The following SH3BGRL2 variants were observed in gnomAD, a reference collection of about 807,000 sequenced individuals.
The protein encoded by SH3BGRL2 is SH3 domain binding glutamate rich protein like 2.
A neutral mutation model predicts 14.8 loss-of-function variants in SH3BGRL2; 21 were observed. The ratio of observed to expected loss-of-function variants is 1.42; its 90% CI spans 1.01 to 2.05. The LOEUF (loss-of-function observed/expected upper bound fraction) is 2.05. SH3BGRL2 is among the 30% of genes most tolerant of loss of function. SH3BGRL2 has a pLI of 0.00. For missense variants in SH3BGRL2, 147 were observed against 130.8 expected (o/e 1.12, Z -0.61); for synonymous variants, 50 against 47.8 (o/e 1.05, Z -0.19).
At chr6:79,618,001 T>G in the SH3BGRL2 span, among the ~76,000 whole-genome samples, 21 of 152,342 alleles carry the variant, frequency 1.4e-4, no homozygotes, top group South Asian at 2.1e-4. Context: ...GGTATCAACA[T>G]CCATTGATAT....
intron 1 of SH3BGRL2, among the ~76,000 whole-genome samples, chr6:79,666,921 T>A (rs191070772): frequency 6.6e-6 from 1 of 152,340 alleles, no homozygotes; most frequent in Non-Finnish European, 1.5e-5. Flanking sequence ...ACTATATTTT[T>A]GACAGAGGCC....
At chr6:79,609,573 A>G in the SH3BGRL2 span, among the ~76,000 whole-genome samples, 1 of 152,182 alleles carries the variant, frequency 6.6e-6, no homozygotes, top group East Asian at 1.9e-4. Flanking sequence ...GTAAGTCAAC[A>G]GAACTATCCG....
chr6:79,607,428 A>G, the SH3BGRL2 span, among the ~76,000 whole-genome samples: 1 of 152,116 alleles, frequency 6.6e-6, no homozygotes, highest in Non-Finnish European at 1.5e-5. Flanking sequence ...CTTTTCTTCT[A>G]CTTTCATTAT....
intron 2 of SH3BGRL2, among the ~76,000 whole-genome samples, chr6:79,683,495 G>A (rs946082987): frequency 6.7e-6 from 1 of 149,292 alleles, no homozygotes; most frequent in African/African-American, 2.5e-5. Context: ...GTCTCGCTCT[G>A]TTGCCCAGGC....
At chr6:79,582,075 C>A in the SH3BGRL2 span, among the ~76,000 whole-genome samples, 1 of 152,102 alleles carries the variant, frequency 6.6e-6, no homozygotes, top group South Asian at 2.1e-4. Flanking sequence ...ATCCAACTTA[C>A]GAGGGATGTG....
At chr6:79,622,240 T>C in the SH3BGRL2 span, among the ~76,000 whole-genome samples, 1 of 152,162 alleles carries the variant, frequency 6.6e-6, no homozygotes, top group African/African-American at 2.4e-5. Flanking sequence ...TTTAGGTTGA[T>C]AGGCTGCTAT....
At chr6:79,654,389 A>G (rs1398779783) in intron 1 of SH3BGRL2, among the ~76,000 whole-genome samples, 3 of 152,202 alleles carry the variant, frequency 2.0e-5, no homozygotes, top group Non-Finnish European at 4.4e-5. Flanking sequence ...TTGTTTGACA[A>G]TATGTGCATT....
At chr6:79,537,855 A>G in the SH3BGRL2 span, among the ~76,000 whole-genome samples, 1 of 152,084 alleles carries the variant, frequency 6.6e-6, no homozygotes, top group Admixed American at 6.6e-5. Context: ...GGATCTTCTT[A>G]CCGAAATGGC....
chr6:79,599,078 T>C, the SH3BGRL2 span, among the ~76,000 whole-genome samples: 1 of 119,376 alleles, frequency 8.4e-6, no homozygotes, highest in African/African-American at 3.0e-5. Flanking sequence ...CAAAACTCTG[T>C]CTCAAAAAAA....
At chr6:79,631,309 G>T (rs562895720), upstream of SH3BGRL2, 3 of 596,862 alleles carry the variant, frequency 5.0e-6, no homozygotes, top group African/African-American at 1.9e-5. Flanking sequence ...TTTTATCTGC[G>T]GACCCGCCGG....
At chr6:79,553,359 T>C in the SH3BGRL2 span, among the ~76,000 whole-genome samples, 1 of 152,218 alleles carries the variant, frequency 6.6e-6, no homozygotes, top group Non-Finnish European at 1.5e-5. Context: ...AAAGCTCAGC[T>C]TTAGGCAAGA....
intron 1 of SH3BGRL2, among the ~76,000 whole-genome samples, chr6:79,643,490 G>C (rs1283716574): frequency 2.0e-5 from 3 of 152,226 alleles, no homozygotes; most frequent in Non-Finnish European, 4.4e-5. Context: ...TAGATCATGT[G>C]ATAGCAATGG....
the SH3BGRL2 span, among the ~76,000 whole-genome samples, chr6:79,549,235 C>T: frequency 6.6e-6 from 1 of 152,118 alleles, no homozygotes; most frequent in Non-Finnish European, 1.5e-5. Context: ...TAAATAAAAT[C>T]AGACTAAGGG....
intron 2 of SH3BGRL2, among the ~76,000 whole-genome samples, chr6:79,691,590 G>A (rs1328369811): frequency 6.7e-6 from 1 of 148,378 alleles, no homozygotes; most frequent in Non-Finnish European, 1.5e-5. Context: ...CCACCTATGA[G>A]TGAGAACATG....
chr6:79,607,945 CA>C, the SH3BGRL2 span, among the ~76,000 whole-genome samples: 2 of 151,226 alleles, frequency 1.3e-5, no homozygotes, highest in Non-Finnish European at 2.9e-5. Flanking sequence ...GACTCCATCT[CA>C]AAAAAAAGAA....
intron 1 of SH3BGRL2, among the ~76,000 whole-genome samples, chr6:79,658,545 A>T (rs1057052738): frequency 1.3e-5 from 2 of 152,184 alleles, no homozygotes; most frequent in Admixed American, 6.5e-5. Flanking sequence ...TCTATCATTG[A>T]TGGACATTTG....
chr6:79,619,730 A>T, the SH3BGRL2 span, among the ~76,000 whole-genome samples: 1 of 152,146 alleles, frequency 6.6e-6, no homozygotes, highest in Non-Finnish European at 1.5e-5. Flanking sequence ...AGGTGGGAAG[A>T]TGGAGAGGGA....
At chr6:79,592,537 G>T in the SH3BGRL2 span, among the ~76,000 whole-genome samples, 1 of 152,294 alleles carries the variant, frequency 6.6e-6, no homozygotes, top group East Asian at 1.9e-4. Flanking sequence ...AGTATGAATG[G>T]ATATTAGCCT....
chr6:79,627,837 A>G (rs1768760766), upstream of SH3BGRL2, among the ~76,000 whole-genome samples: 1 of 152,172 alleles, frequency 6.6e-6, no homozygotes, highest in South Asian at 2.1e-4. Flanking sequence ...TTCAGACATC[A>G]TGATTTCTTA....
Sources: allele counts gnomAD v4.1 joint callset (sites outside exome capture counted in the v4.1 genomes callset), GRCh38; gene constraint gnomAD v4.1.1; transcripts MANE v1.5; gene names NCBI Gene and HGNC (gene_info 2026-07-23, HGNC 2026-07-21).